Variants in NCS1 observed in about 807,000 individuals in gnomAD.
NCS1 encodes neuronal calcium sensor 1, also known as frequenin homolog.
NCS1 carries 6 observed loss-of-function variants against 28.4 expected under a neutral mutation model. The ratio of observed to expected loss-of-function variants is 0.21; its 90% CI spans 0.12 to 0.42. NCS1 has a LOEUF of 0.42. Ranked by LOEUF, NCS1 falls within the 10% of genes least tolerant of loss-of-function variation. NCS1 has a pLI of 1.00. For missense variants in NCS1, 131 were observed against 241.4 expected, an observed-to-expected ratio of 0.54 and a Z score of 3.03; for synonymous variants, 86 against 99.3, an observed-to-expected ratio of 0.87 and a Z score of 0.79.
chr9:130,183,015 G>T (rs1309510417), intron 1 of NCS1, among the ~76,000 whole-genome samples: 1 of 152,232 alleles, frequency 6.6e-6, no homozygotes, highest in African/African-American at 2.4e-5. Flanking sequence ...GGGGTGTGTG[G>T]CCCGGGGTGT....
chr9:130,214,295 T>C (rs1334037549), intron 2 of NCS1, among the ~76,000 whole-genome samples: 1 of 152,046 alleles, frequency 6.6e-6, no homozygotes, highest in Admixed American at 6.5e-5. Flanking sequence ...GGAGAGTGGG[T>C]GGGCCCATGT....
In NCS1 at chr9:130,198,767, C is replaced by T. The variant is rs1375267409; in HGVS notation, c.65-2191C>T. 6.6e-5 allele frequency among the ~76,000 whole-genome samples: 10 copies of T among 152,280 alleles called. No individual in the cohort carries two copies. In the South Asian group the frequency reaches 1.7e-3, roughly 25 times the overall value. ...CAAGGACACACAGTGCCCTGTGGGG[C>T]CGGATTTGAACCCAGGCGGTCTGGT... On this transcript the variant is annotated intron_variant, in intron 1 of 7. Coordinates refer to ENST00000372398, the MANE Select transcript of NCS1 (RefSeq NM_014286.4).
At chr9:130,194,946 C>G (rs1359392923) in intron 1 of NCS1, among the ~76,000 whole-genome samples, 3 of 152,244 alleles carry the variant, frequency 2.0e-5, no homozygotes, top group Non-Finnish European at 4.4e-5. Context: ...GTGTTTTTCT[C>G]TGTCCCCTGT....
intron 1 of NCS1, among the ~76,000 whole-genome samples, chr9:130,179,619 T>G (rs1184484872): frequency 6.6e-6 from 1 of 152,202 alleles, no homozygotes; most frequent in African/African-American, 2.4e-5. Context: ...CTGTTCCAGT[T>G]TACATTTTCA....
chr9:130,189,879 A>AAAAAAAAT (rs1554906056), intron 1 of NCS1, among the ~76,000 whole-genome samples: 5 of 37,750 alleles, frequency 1.3e-4, no homozygotes, highest in Non-Finnish European at 1.8e-4. Context: ...AAAAAAAAAA[A>AAAAAAAAT]ATATATATAT....
At position 130,219,603 on chromosome 9, in the gene NCS1, C is replaced by T; in HGVS notation, c.229-122C>T. 1.2e-6 allele frequency: 1 copy of T among 864,588 alleles called. No homozygotes were observed. The highest frequency in any genetic ancestry group is 1.9e-6 in the Non-Finnish European group (1 of 526,746). The allele number at this position is 864,588 out of a possible 1,614,324, so 53.6% of individuals were successfully genotyped here. ...CATTCCTTCGAGCCTGCCCTCTCCACCTGAGTGTCCATTGGCCACAGTGTC... is the reference window on the plus strand; with the variant it reads ...CATTCCTTCGAGCCTGCCCTCTCCATCTGAGTGTCCATTGGCCACAGTGTC... On this transcript the variant is annotated intron_variant, in intron 3 of 7. Transcript: ENST00000372398. The surrounding 1 kb of genome is among the most constrained non-coding windows in gnomAD (Gnocchi z 5.7).
At chr9:130,197,497 G>A (rs1209468579) in intron 1 of NCS1, among the ~76,000 whole-genome samples, 1 of 152,180 alleles carries the variant, frequency 6.6e-6, no homozygotes, top group Non-Finnish European at 1.5e-5. Flanking sequence ...TCCTCTGGTC[G>A]CCTCTCCACC....
In NCS1 at chr9:130,219,902, C is replaced by T. The variant is rs1554909995; in HGVS notation, c.307+99C>T. The T allele has an allele frequency of 7.9e-7, 1 of 1,266,396 alleles. No homozygotes were observed. The highest frequency in any genetic ancestry group is 1.1e-6 in the Non-Finnish European group (1 of 874,162). The allele number at this position is 1,266,396 out of a possible 1,614,324, so 78.4% of individuals were successfully genotyped here. On this transcript the variant is annotated intron_variant, in intron 4 of 7. Coordinates refer to ENST00000372398, the MANE Select transcript of NCS1 (RefSeq NM_014286.4). The surrounding 1 kb of genome is among the most constrained non-coding windows in gnomAD (Gnocchi z 5.7). ...TCACCAGGCAGGGGTGCCAGACACC[C>T]ACTGCAGTGACCACAGATGGCGTCC...
intron 1 of NCS1, among the ~76,000 whole-genome samples, chr9:130,178,214 G>A (rs1299990717): frequency 6.6e-6 from 1 of 152,170 alleles, no homozygotes; most frequent in Non-Finnish European, 1.5e-5. Context: ...TCCTTGGGGT[G>A]CAAGTCTTCC....
chr9:130,176,190 C>T (rs4837478), intron 1 of NCS1, among the ~76,000 whole-genome samples: 3,471 of 56,448 alleles, frequency 0.061, 192 homozygotes, highest in East Asian at 0.2. Flanking sequence ...TTCTTTCTTT[C>T]TTTCTTTTTT....
At chr9:130,205,537 G>GAAAA (rs1194053393) in intron 2 of NCS1, among the ~76,000 whole-genome samples, 3 of 115,166 alleles carry the variant, frequency 2.6e-5, no homozygotes, top group Non-Finnish European at 5.1e-5. Context: ...TCGTCTCTTA[G>GAAAA]AAAAAAAAAA....
intron 1 of NCS1, among the ~76,000 whole-genome samples, chr9:130,176,716 C>G (rs1013574711): frequency 6.6e-6 from 1 of 152,236 alleles, no homozygotes; most frequent in African/African-American, 2.4e-5. Flanking sequence ...AATTGTGAAG[C>G]TGCCCTGGCC....
At chr9:130,200,520 C>T (rs543962112) in intron 1 of NCS1, 24 of 1,535,874 alleles carry the variant, frequency 1.6e-5, no homozygotes, top group Admixed American at 2.0e-5. Context: ...CTAGCTCCCC[C>T]CACCCCCCCA....
In NCS1 at chr9:130,226,104, A is replaced by G. The variant is rs370580174; in HGVS notation, c.475-285A>G. Among the ~76,000 whole-genome samples the G allele has an allele frequency of 1.3e-5, 2 of 152,322 alleles. No individual in the cohort carries two copies. Among genetic ancestry groups the G allele is most frequent in the East Asian group, 3.9e-4 (2 of 5,180 alleles). On this transcript the variant is annotated intron_variant, in intron 6 of 7. Transcript: ENST00000372398. The surrounding 1 kb of genome is among the most constrained non-coding windows in gnomAD (Gnocchi z 4.8). ...ACGTGTGGAGTTACAGGGCACTTCCAGTTGGTCAAGCACAGAGCTGTCACC... is the reference window on the plus strand; with the variant it reads ...ACGTGTGGAGTTACAGGGCACTTCCGGTTGGTCAAGCACAGAGCTGTCACC...
intron 1 of NCS1, among the ~76,000 whole-genome samples, chr9:130,174,759 T>TGAGA (rs1554904430): frequency 7.9e-6 from 1 of 126,028 alleles, no homozygotes; most frequent in African/African-American, 3.1e-5. Context: ...TGCGGTGAGG[T>TGAGA]GAGATTGCTC....
intron 1 of NCS1, chr9:130,200,517 C>T (rs1832926562): frequency 2.6e-6 from 4 of 1,530,678 alleles, no homozygotes; most frequent in Middle Eastern, 1.8e-4. Flanking sequence ...AGCCTAGCTC[C>T]CCCCACCCCC....
intron 1 of NCS1, among the ~76,000 whole-genome samples, chr9:130,183,678 T>C (rs1035881250): frequency 3.3e-5 from 5 of 151,202 alleles, no homozygotes; most frequent in Admixed American, 1.3e-4. Flanking sequence ...TCTCTCTCTT[T>C]CTTCCTTCCT....
Position 130,192,371 on chromosome 9 carries a change from G to A in NCS1, c.65-8587G>A, listed in dbSNP as rs1177902163. Among the ~76,000 whole-genome samples the A allele has an allele frequency of 6.6e-6, 1 of 152,076 alleles. No homozygotes were observed. The highest frequency in any genetic ancestry group is 1.5e-5 in the Non-Finnish European group (1 of 68,000). ...AATGAGTCTGGGGCCCGGCCACGTT[G>A]TCTGGCCCAGAGCCTGTGCCCACCT... On this transcript the variant is annotated intron_variant, in intron 1 of 7. Coordinates refer to ENST00000372398, the MANE Select transcript of NCS1 (RefSeq NM_014286.4). This position sits in a 1 kb window ranked among gnomAD's most constrained non-coding sequence, Gnocchi z 4.8.
In NCS1 at chr9:130,219,658, C is replaced by T. The variant is rs1833246960; in HGVS notation, c.229-67C>T. Reference sequence around the variant, plus strand: ...GCCTGCGACTGCCCCTCGCCCGTCCCGAGGTTCAGCCTGACCCGGTGGCCT... The same window carrying T: ...GCCTGCGACTGCCCCTCGCCCGTCCTGAGGTTCAGCCTGACCCGGTGGCCT... On this transcript the variant is annotated intron_variant, in intron 3 of 7. Transcript: ENST00000372398. The surrounding 1 kb of genome is among the most constrained non-coding windows in gnomAD (Gnocchi z 5.7). 8 of 1,501,862 alleles carry T rather than the reference C, an allele frequency of 5.3e-6. No homozygotes were observed. The highest frequency in any genetic ancestry group is 3.4e-5 in the South Asian group (3 of 88,256). The allele number at this position is 1,501,862 out of a possible 1,614,324, so 93.0% of individuals were successfully genotyped here.
Sources: allele counts gnomAD v4.1 joint callset (sites outside exome capture counted in the v4.1 genomes callset), GRCh38; gene constraint gnomAD v4.1.1; non-coding constraint Gnocchi (gnomAD v3.1); transcripts MANE v1.5; gene names NCBI Gene and HGNC (gene_info 2026-07-23, HGNC 2026-07-21).